Variants in PDIA5 observed in about 807,000 individuals in gnomAD.
PDIA5 encodes protein disulfide isomerase family A member 5.
PDIA5 carries 58 observed loss-of-function variants against 77.6 expected under a neutral mutation model. The observed-to-expected ratio is 0.75, with a 90% CI of 0.61 to 0.93. The LOEUF (loss-of-function observed/expected upper bound fraction) is 0.93, where lower values mean the gene tolerates loss of function less well. PDIA5 is among the 40% of genes least tolerant of loss of function. PDIA5 has a pLI of 0.00. For synonymous variants in PDIA5, 250 were observed against 252.1 expected, an observed-to-expected ratio of 0.99 and a Z score of 0.08; for missense variants, 630 against 647.7, an observed-to-expected ratio of 0.97 and a Z score of 0.30.
intron 15 of PDIA5, among the ~76,000 whole-genome samples, chr3:123,155,925 A>G (rs1006931677): frequency 6.6e-6 from 1 of 152,078 alleles, no homozygotes; most frequent in African/African-American, 2.4e-5. Flanking sequence ...CCTAGATGAT[A>G]AACAGGCCAA....
At chr3:123,090,511 C>G (rs1934256662) in intron 2 of PDIA5, among the ~76,000 whole-genome samples, 1 of 152,190 alleles carries the variant, frequency 6.6e-6, no homozygotes, top group African/African-American at 2.4e-5. Flanking sequence ...CAGAGGACAT[C>G]CAGTATACAA....
chr3:123,150,322 C>G lies in PDIA5; in HGVS notation c.1231C>G (p.Leu411Val). 1 of 1,613,948 alleles carries G rather than the reference C, an allele frequency of 6.2e-7. No individual in the cohort carries two copies. The highest frequency in any genetic ancestry group is 8.5e-7 in the Non-Finnish European group (1 of 1,179,944). The change falls in exon 14 of 17, where the codon CTG becomes GTG. Residue 411 changes from leucine to valine, a missense_variant. Transcript: ENST00000316218. ...GGTGGGGGACAACTTCCGGGAGACCCTGAAGAAGAAGAAACACACCTTGGT... is the reference window on the plus strand; with the variant it reads ...GGTGGGGGACAACTTCCGGGAGACCGTGAAGAAGAAGAAACACACCTTGGT... ...HLVGDNFRET[L>V]KKKKHTLVMF...
At chr3:123,117,062 G>T (rs1935013281) in intron 8 of PDIA5, among the ~76,000 whole-genome samples, 1 of 151,820 alleles carries the variant, frequency 6.6e-6, no homozygotes, top group Non-Finnish European at 1.5e-5. Context: ...ACACAGAAGG[G>T]CCGAGGGTCA....
chr3:123,106,800 G>T lies in PDIA5; in HGVS notation c.439G>T (p.Asp147Tyr), dbSNP rs766285845. The change falls in exon 6 of 17, where the codon GAT becomes TAT. Residue 147 changes from aspartate to tyrosine, a missense_variant. Asp to Tyr is a radical substitution (Grantham distance 160). Transcript: ENST00000316218. Reference sequence around the variant, plus strand: ...AAAAGGGCCCCCACTGTGGGAGGAAGATCCTGGAGCCAAAGATGTTGTCCA... The same window carrying T: ...AAAAGGGCCCCCACTGTGGGAGGAATATCCTGGAGCCAAAGATGTTGTCCA... ...DPKGPPLWEE[D>Y]PGAKDVVHLD... is the part of the protein sequence containing the mutation. 5 of 1,612,850 alleles carry T rather than the reference G, an allele frequency of 3.1e-6. No homozygotes were observed. Among genetic ancestry groups the T allele is most frequent in the Non-Finnish European group, 3.4e-6 (4 of 1,179,606 alleles).
chr3:123,145,461 A>G (rs1052534344), intron 11 of PDIA5, 61 bp from the exon 12 acceptor site: 2 of 1,303,112 alleles, frequency 1.5e-6, no homozygotes, highest in Non-Finnish European at 2.2e-6. Flanking sequence ...GAGGCGGCGC[A>G]GGGGAGCATC....
chr3:123,147,566 G>A (rs1267767671), intron 13 of PDIA5, among the ~76,000 whole-genome samples: 1 of 152,182 alleles, frequency 6.6e-6, no homozygotes, highest in Non-Finnish European at 1.5e-5. Context: ...TGGAATGGCA[G>A]CAAAGTTGCC....
At chr3:123,108,341 C>T (rs936185211) in intron 6 of PDIA5, among the ~76,000 whole-genome samples, 5 of 148,248 alleles carry the variant, frequency 3.4e-5, no homozygotes, top group East Asian at 2.0e-4. Flanking sequence ...AGTGCAGTAG[C>T]GTGATCTTGG....
chr3:123,104,076 G>A (rs2107934740), intron 5 of PDIA5, among the ~76,000 whole-genome samples: 1 of 152,332 alleles, frequency 6.6e-6, no homozygotes, highest in Middle Eastern at 3.4e-3. Flanking sequence ...GCCCCAGCAT[G>A]CCACTGGGTG....
chr3:123,103,758 C>T (rs1170830360), intron 5 of PDIA5, among the ~76,000 whole-genome samples: 1 of 152,198 alleles, frequency 6.6e-6, no homozygotes, highest in Non-Finnish European at 1.5e-5. Context: ...CACCTTAACA[C>T]CTACTTAGAC....
At chr3:123,115,525 G>C (rs1425384285) in intron 7 of PDIA5, among the ~76,000 whole-genome samples, 3 of 152,154 alleles carry the variant, frequency 2.0e-5, no homozygotes, top group Admixed American at 2.0e-4. Flanking sequence ...GCTGGAAGGG[G>C]CCTTAGGTTG....
At chr3:123,088,612 T>G (rs1308877832) in intron 1 of PDIA5, among the ~76,000 whole-genome samples, 1 of 152,176 alleles carries the variant, frequency 6.6e-6, no homozygotes, top group Admixed American at 6.5e-5. Flanking sequence ...TATACAAACC[T>G]CCCTTGGTAT....
intron 5 of PDIA5, among the ~76,000 whole-genome samples, chr3:123,103,560 C>G (rs1364666693): frequency 1.3e-5 from 2 of 152,212 alleles, no homozygotes; most frequent in African/African-American, 4.8e-5. Flanking sequence ...CCATCTGTGT[C>G]TCTTCCATTT....
In PDIA5 at chr3:123,067,146, G is replaced by C; in HGVS notation, c.-19G>C. ...CGCCGGAGTGGAGAAAGGAGCCAGC[G>C]GTGGGCAGCGCTGCTGGGATGGCGC... On this transcript the variant is annotated 5_prime_UTR_variant, in exon 1 of 17. Coordinates refer to ENST00000316218, the MANE Select transcript of PDIA5 (RefSeq NM_006810.4). 8.0e-7 allele frequency: 1 copy of C among 1,246,414 alleles called. No individual in the cohort carries two copies. Among genetic ancestry groups the C allele is most frequent in the South Asian group, 3.9e-5 (1 of 25,722 alleles). The allele number at this position is 1,246,414 out of a possible 1,614,324, so 77.2% of individuals were successfully genotyped here.
At chr3:123,129,072 G>A (rs1414927328) in intron 10 of PDIA5, among the ~76,000 whole-genome samples, 1 of 132,968 alleles carries the variant, frequency 7.5e-6, no homozygotes, top group African/African-American at 2.8e-5. Context: ...ATGACAACCT[G>A]CAGTGAATGC....
intron 1 of PDIA5, among the ~76,000 whole-genome samples, chr3:123,084,483 C>T (rs1934084241): frequency 6.6e-6 from 1 of 152,078 alleles, no homozygotes; most frequent in Admixed American, 6.5e-5. Flanking sequence ...TGCCTCCTCC[C>T]TCACTGAGGG....
intron 3 of PDIA5, among the ~76,000 whole-genome samples, chr3:123,099,391 C>T (rs1934525545): frequency 6.6e-6 from 1 of 152,234 alleles, no homozygotes; most frequent in African/African-American, 2.4e-5. Flanking sequence ...GCACATGTTT[C>T]TGGAGCCAGT....
chr3:123,083,578 A>G (rs1934065476), intron 1 of PDIA5, among the ~76,000 whole-genome samples: 1 of 152,196 alleles, frequency 6.6e-6, no homozygotes, highest in African/African-American at 2.4e-5. Flanking sequence ...TTCGAATGTA[A>G]AGAGCCTGCC....
At chr3:123,108,228 G>C (rs1195648220) in intron 6 of PDIA5, among the ~76,000 whole-genome samples, 1 of 151,822 alleles carries the variant, frequency 6.6e-6, no homozygotes, top group Non-Finnish European at 1.5e-5. Flanking sequence ...ATTAAGGACT[G>C]GGCACAACAT....
At chr3:123,076,243 T>C (rs1332396724) in intron 1 of PDIA5, among the ~76,000 whole-genome samples, 1 of 152,182 alleles carries the variant, frequency 6.6e-6, no homozygotes, top group Non-Finnish European at 1.5e-5. Context: ...AGATCTGTCC[T>C]GGCGGGGACC....
Sources: allele counts gnomAD v4.1 joint callset (sites outside exome capture counted in the v4.1 genomes callset), GRCh38; gene constraint gnomAD v4.1.1; transcripts MANE v1.5; gene names NCBI Gene and HGNC (gene_info 2026-07-23, HGNC 2026-07-21).